The following KIF11 variants were observed in gnomAD, a reference collection of about 807,000 sequenced individuals.
KIF11 encodes kinesin family member 11, also known as kinesin-like protein KIF11.
In KIF11, 9 loss-of-function variants were observed where a neutral mutation model predicts 121.0. The ratio of observed to expected loss-of-function variants is 0.07; its 90% CI spans 0.04 to 0.13. The LOEUF is 0.13. KIF11 is among the 10% of genes least tolerant of loss of function. The pLI is 1.00. For missense variants in KIF11, 846 were observed against 1,217.5 expected (o/e 0.69, Z 4.54); for synonymous variants, 408 against 421.0 (o/e 0.97, Z 0.38).
intron 4 of KIF11, 38 bp from the exon 5 acceptor site, chr10:92,608,982 G>A: frequency 8.5e-7 from 1 of 1,171,648 alleles, no homozygotes; most frequent in Non-Finnish European, 1.2e-6. Context: ...ACAGTAAATG[G>A]CATTCTTCCT....
chr10:92,643,788 C>G (rs541405525), intron 17 of KIF11, among the ~76,000 whole-genome samples: 5 of 152,162 alleles, frequency 3.3e-5, no homozygotes, highest in Admixed American at 3.3e-4. Flanking sequence ...AAACTCCTGA[C>G]CTTGTGATTG....
intron 1 of KIF11, among the ~76,000 whole-genome samples, chr10:92,594,111 A>G (rs1433066958): frequency 6.6e-6 from 1 of 152,190 alleles, no homozygotes; most frequent in East Asian, 1.9e-4. Context: ...AAAATAAGCT[A>G]GAAACTGCTG....
chr10:92,607,288 C>T, intron 4 of KIF11, 51 bp downstream of exon 4: 1 of 1,111,928 alleles, frequency 9.0e-7, no homozygotes, highest in Non-Finnish European at 1.3e-6. Flanking sequence ...TGAAATTTAA[C>T]TGTATAAAAC....
At chr10:92,622,422 C>A (rs1180747971) in intron 10 of KIF11, among the ~76,000 whole-genome samples, 19 of 152,058 alleles carry the variant, frequency 1.2e-4, no homozygotes, top group Non-Finnish European at 1.6e-4. Context: ...CGAGACCAGC[C>A]TGGCCAACAT....
intron 20 of KIF11, 104 bp downstream of exon 20, chr10:92,650,090 G>A (rs1230410369): frequency 2.3e-5 from 19 of 826,770 alleles, no homozygotes; most frequent in South Asian, 5.6e-5. Context: ...ATCTTACCCC[G>A]CCTCTCATTA....
In KIF11 at chr10:92,616,045, G is replaced by A. The variant is rs146167695; in HGVS notation, c.1033-692G>A. Among the ~76,000 whole-genome samples the A allele has an allele frequency of 1.7e-3, 264 of 151,870 alleles. 1 individual carries two copies. Among genetic ancestry groups the A allele is most frequent in the Non-Finnish European group, 3.2e-3 (215 of 67,942 alleles). ...GTGGAGACAGGGTTTCACCATGTTG[G>A]CCAGGCTGGTCTCGAACTCTTGACC... On this transcript the variant is annotated intron_variant, in intron 8 of 21. Coordinates refer to ENST00000260731, the MANE Select transcript of KIF11 (RefSeq NM_004523.4).
intron 10 of KIF11, among the ~76,000 whole-genome samples, chr10:92,624,184 G>GCATC (rs918855188): frequency 6.6e-6 from 1 of 150,634 alleles, no homozygotes; most frequent in Non-Finnish European, 1.5e-5. Context: ...TAGGACAATG[G>GCATC]CATCCAGCTC....
chr10:92,628,797 CTTTAT>C lies in KIF11; in HGVS notation c.1218-6_1218-2del. 6.8e-7 allele frequency: 1 copy of C among 1,469,044 alleles called. No homozygotes were observed. The highest frequency in any genetic ancestry group is 9.4e-7 in the Non-Finnish European group (1 of 1,060,648). The allele number at this position is 1,469,044 out of a possible 1,614,324, so 91.0% of individuals were successfully genotyped here. A position where few individuals can be genotyped will look rare whatever the true frequency, so the allele number is the denominator to read the frequency against. ...TATTAACTGTTAAACTCATATTAAA[CTTTAT>C]TTTAGAGTCATGAGTGGAAAATTAA... is the stretch of plus-strand genomic sequence containing the variant. On this transcript the variant is annotated splice_polypyrimidine_tract_variant and splice_region_variant and intron_variant, in intron 10 of 21. Coordinates refer to ENST00000260731, the MANE Select transcript of KIF11 (RefSeq NM_004523.4).
At position 92,639,382 on chromosome 10, in the gene KIF11, G is replaced by A. The variant is rs552973152; in HGVS notation, c.2161-412G>A. ...GCAGGGTGATCACTTGAGGCTAGGA[G>A]TTCAAGACCAGCCTGGTCAACATAG... On this transcript the variant is annotated intron_variant, in intron 16 of 21. Coordinates refer to ENST00000260731, the MANE Select transcript of KIF11 (RefSeq NM_004523.4). 5.3e-5 allele frequency among the ~76,000 whole-genome samples: 8 copies of A among 152,210 alleles called. No homozygotes were observed. The East Asian group carries it at 9.7e-4, about 18-fold the overall frequency.
intron 1 of KIF11, 71 bp downstream of exon 1, chr10:92,593,523 G>T: frequency 1.5e-6 from 2 of 1,330,608 alleles, no homozygotes; most frequent in South Asian, 1.3e-5. Flanking sequence ...GCGGTCCAGG[G>T]AGAGGGATTT....
intron 16 of KIF11, among the ~76,000 whole-genome samples, chr10:92,638,711 C>T (rs1844834143): frequency 6.6e-6 from 1 of 152,180 alleles, no homozygotes; most frequent in Non-Finnish European, 1.5e-5. Flanking sequence ...TTATGTAAAA[C>T]TTTGAACACA....
intron 1 of KIF11, among the ~76,000 whole-genome samples, chr10:92,601,609 G>A (rs1469854967): frequency 1.6e-5 from 2 of 123,856 alleles, no homozygotes; most frequent in Admixed American, 1.6e-4. Context: ...TCTTGCTCCT[G>A]TTCTTTTATT....
intron 1 of KIF11, among the ~76,000 whole-genome samples, chr10:92,600,408 G>A (rs1426026545): frequency 1.3e-5 from 2 of 152,176 alleles, no homozygotes; most frequent in African/African-American, 4.8e-5. Context: ...TTGCTGCACA[G>A]ATCAACCCAT....
intron 1 of KIF11, chr10:92,597,044 G>A (rs1030884133): frequency 5.1e-6 from 2 of 392,048 alleles, no homozygotes; most frequent in South Asian, 2.3e-5. Context: ...CCAAACCAAA[G>A]TTTCCAGTAT....
intron 18 of KIF11, 45 bp from the exon 19 acceptor site, chr10:92,648,167 G>C (rs2135924714): frequency 2.3e-6 from 3 of 1,313,040 alleles, no homozygotes; most frequent in South Asian, 2.7e-5. Context: ...TAAAACACTG[G>C]CAACTTTAAT....
In KIF11 at chr10:92,651,148, C is replaced by A. The variant is rs191366883; in HGVS notation, c.3039+631C>A. 1.2e-4 allele frequency among the ~76,000 whole-genome samples: 18 copies of A among 152,070 alleles called. No homozygotes were observed. In the East Asian group the frequency reaches 3.3e-3, roughly 28 times the overall value. On this transcript the variant is annotated intron_variant, in intron 21 of 21. Coordinates refer to ENST00000260731, the MANE Select transcript of KIF11 (RefSeq NM_004523.4). Reference sequence around the variant, plus strand: ...TCAAGTGATTCTCCTGACTCAGCCTCCCGGGTAGCTAGGATTACAGGCATG... The same window carrying A: ...TCAAGTGATTCTCCTGACTCAGCCTACCGGGTAGCTAGGATTACAGGCATG...
intron 20 of KIF11, among the ~76,000 whole-genome samples, 188 bp downstream of exon 20, chr10:92,650,174 G>C (rs1844965827): frequency 6.6e-6 from 1 of 152,064 alleles, no homozygotes; most frequent in African/African-American, 2.4e-5. Flanking sequence ...GATAATAATA[G>C]CCAATACTTA....
At chr10:92,653,490 A>G (rs1845010188) in intron 21 of KIF11, among the ~76,000 whole-genome samples, 175 bp from the exon 22 acceptor site, 1 of 152,226 alleles carries the variant, frequency 6.6e-6, no homozygotes, top group Non-Finnish European at 1.5e-5. Context: ...TCAAATAAAG[A>G]AGGCATTTGG....
chr10:92,605,697 G>C (rs1011628824), intron 1 of KIF11, among the ~76,000 whole-genome samples: 10 of 152,024 alleles, frequency 6.6e-5, no homozygotes, highest in Non-Finnish European at 1.5e-4. Flanking sequence ...TGTTGGTCAG[G>C]CTGGTCTCGA....
Sources: gnomAD v4.1 joint callset for allele counts (sites outside exome capture counted in the v4.1 genomes callset) on GRCh38, gnomAD v4.1.1 for gene constraint, MANE v1.5 for transcripts, NCBI Gene and HGNC (gene_info 2026-07-23, HGNC 2026-07-21) for gene names.